BRD3: variants seen among roughly 807,000 people sequenced by gnomAD.
BRD3 encodes bromodomain-containing protein 3.
A neutral mutation model predicts 66.8 loss-of-function variants in BRD3; 17 were observed. That is an observed-to-expected ratio of 0.25 (90% CI 0.17 to 0.38). BRD3 has a LOEUF of 0.38. Ranked by LOEUF, BRD3 falls within the 10% of genes least tolerant of loss-of-function variation. The pLI is 1.00. For missense variants in BRD3, 713 were observed against 956.1 expected (o/e 0.75, Z 3.35); for synonymous variants, 421 against 393.2 (o/e 1.07, Z -0.84).
chr9:134,066,818 T>G (rs1830668955), intron 1 of BRD3, among the ~76,000 whole-genome samples: 1 of 152,220 alleles, frequency 6.6e-6, no homozygotes, highest in Admixed American at 6.5e-5. Flanking sequence ...CAGTATCTAT[T>G]TCTGAGCAGA....
At chr9:134,057,652 CA>C (rs1188624259) in intron 1 of BRD3, 2 of 152,306 alleles carry the variant, frequency 1.3e-5, no homozygotes, top group East Asian at 3.9e-4. Context: ...GGCTTTGGGA[CA>C]CAAAGCACTC....
At chr9:134,042,665 A>T (rs1043375416) in intron 7 of BRD3, among the ~76,000 whole-genome samples, 10 of 147,694 alleles carry the variant, frequency 6.8e-5, no homozygotes, top group African/African-American at 2.5e-4. Flanking sequence ...ACACACACAC[A>T]CACACATATA....
rs960946223 is a variant in BRD3 at position 134,048,374 on chromosome 9, C to T, written c.795G>A (p.Pro265=). 2.3e-5 allele frequency: 37 copies of T among 1,598,424 alleles called. No homozygotes were observed. Among genetic ancestry groups the T allele is most frequent in the Non-Finnish European group, 2.9e-5 (34 of 1,179,820 alleles). The part of the protein sequence containing the change: ...AITASRSESP[P]PLSDPKQAKV... Reference sequence around the variant, plus strand: ...TGGCCTGCTTGGGGTCTGACAACGGCGGGGGCGACTCACTCCGGCTGGCAG... The same window carrying T: ...TGGCCTGCTTGGGGTCTGACAACGGTGGGGGCGACTCACTCCGGCTGGCAG... The change falls in exon 6 of 12, where the codon CCG becomes CCA. Residue 265 remains proline (P), a synonymous_variant. Transcript: ENST00000303407.
rs1830080507 is a variant in BRD3, at chr9:134,042,696, CACACACATATATATACACATATAT to C, written c.1216-769_1216-746del. On this transcript the variant is annotated intron_variant, in intron 7 of 11. Transcript: ENST00000303407. ...ATATATATACACACACACACATATA[CACACACATATATATACACATATAT>C]ACACATATATATACACACATATATA... Among the ~76,000 whole-genome samples, 3 of 149,850 alleles carry C rather than the reference CACACACATATATATACACATATAT, an allele frequency of 2.0e-5. No individual in the cohort carries two copies. The East Asian group carries it at 5.9e-4, about 29-fold the overall frequency.
intron 1 of BRD3, among the ~76,000 whole-genome samples, chr9:134,063,969 G>A (rs975752144): frequency 2.6e-5 from 4 of 152,130 alleles, no homozygotes; most frequent in African/African-American, 7.2e-5. Flanking sequence ...GCGGCAAGGA[G>A]GGGGGCGGGG....
At chr9:134,043,181 G>T (rs1414054407) in intron 7 of BRD3, among the ~76,000 whole-genome samples, 1 of 152,140 alleles carries the variant, frequency 6.6e-6, no homozygotes, top group African/African-American at 2.4e-5. Flanking sequence ...CTGTTGCCCA[G>T]GCTGGTCTTG....
chr9:134,041,795 C>T lies in BRD3; in HGVS notation c.1372G>A (p.Glu458Lys). 6.2e-7 allele frequency: 1 copy of T among 1,612,380 alleles called. No individual in the cohort carries two copies. Among genetic ancestry groups the T allele is most frequent in the Non-Finnish European group, 8.5e-7 (1 of 1,179,860 alleles). ...SDSGSSDSEE[E>K]RATRLAELQE... ...AGCTCCGCCAGCCTGGTGGCCCGCT[C>T]CTCCTCCGAGTCCGAGCTGCCTGAG... Residue 458 changes from glutamate (E) to lysine (K), a missense_variant, in exon 8 of 12, where the codon GAG becomes AAG. Physicochemically the swap from Glu to Lys is moderately conservative, Grantham distance 56 (BLOSUM62 1). Around this residue, in one of 5 missense-constraint regions of BRD3, gnomAD observed 418 missense variants for 609.3 expected, o/e 0.69. Coordinates refer to ENST00000303407, the MANE Select transcript of BRD3 (RefSeq NM_007371.4).
intron 6 of BRD3, among the ~76,000 whole-genome samples, chr9:134,046,846 CTTCT>C (rs1409354662): frequency 2.0e-5 from 3 of 152,216 alleles, no homozygotes; most frequent in African/African-American, 7.2e-5. Flanking sequence ...TTTTCTAGAG[CTTCT>C]TTATTATGGT....
rs998340510 is a variant in BRD3 at position 134,045,438 on chromosome 9, CAG to C, written c.1087-19_1087-18del. 1.5e-5 allele frequency: 25 copies of C among 1,612,978 alleles called. No homozygotes were observed. The Admixed American group carries it at 2.3e-4, about 15-fold the overall frequency. ...CATCTTCCTCTGCAACACACAGTGACAGGGGCCAGTGAGCGTGGCCCGTGGCA... is the reference window on the plus strand; with the variant it reads ...CATCTTCCTCTGCAACACACAGTGACGGGCCAGTGAGCGTGGCCCGTGGCA... On this transcript the variant is annotated intron_variant, in intron 6 of 11. Coordinates refer to ENST00000303407, the MANE Select transcript of BRD3 (RefSeq NM_007371.4). The surrounding 1 kb of genome is among the most constrained non-coding windows in gnomAD (Gnocchi z 4.8).
intron 9 of BRD3, chr9:134,036,556 T>C (rs1301529988): frequency 5.0e-6 from 8 of 1,610,660 alleles, no homozygotes; most frequent in South Asian, 2.2e-5. Context: ...CTACACCCCA[T>C]AGGCGTCTCA....
intron 2 of BRD3, 50 bp downstream of exon 2, chr9:134,053,215 G>T: frequency 6.3e-7 from 1 of 1,595,230 alleles, no homozygotes. Context: ...GAGGGGGACA[G>T]AGGACGGCAG....
rs772756982 is a variant in BRD3, at chr9:134,032,168, G to C, written c.*1422C>G. The C allele has an allele frequency of 2.8e-5, 6 of 216,742 alleles. No homozygotes were observed. The East Asian group carries it at 4.1e-4, about 15-fold the overall frequency. The allele number at this position is 216,742 out of a possible 1,614,324, so 13.4% of individuals were successfully genotyped here. On this transcript the variant is annotated 3_prime_UTR_variant, in exon 12 of 12. Transcript: ENST00000303407. ...ACTCAAAGACCATATGGCAGCCTCT[G>C]GGAAAACAAAACCAAAACATCACCT...
intron 1 of BRD3, among the ~76,000 whole-genome samples, chr9:134,055,160 A>G (rs995628251): frequency 6.6e-6 from 1 of 152,158 alleles, no homozygotes; most frequent in African/African-American, 2.4e-5. Context: ...CACCACTTGC[A>G]AGGATTTCCA....
At position 134,048,222 on chromosome 9, in the gene BRD3, T is replaced by C; in HGVS notation, c.947A>G (p.Asp316Gly). 6.2e-7 allele frequency: 1 copy of C among 1,612,862 alleles called. No individual in the cohort carries two copies. Among genetic ancestry groups the C allele is most frequent in the Non-Finnish European group, 8.5e-7 (1 of 1,179,848 alleles). The change falls in exon 6 of 12, where the codon GAC becomes GGC. Residue 316 changes from aspartate (D) to glycine (G), a missense_variant. Transcript: ENST00000303407. ...GGATAGCATCTCCCTGAGGATGCTG[T>C]CGCAGTAGCGTAGGTGCTCCGACAG... is the stretch of plus-strand genomic sequence containing the variant. ...GKLSEHLRYC[D>G]SILREMLSKK...
At chr9:134,048,716 C>T (rs1830229025) in intron 5 of BRD3, among the ~76,000 whole-genome samples, 1 of 152,174 alleles carries the variant, frequency 6.6e-6, no homozygotes, top group East Asian at 1.9e-4. Context: ...AGATACCTCT[C>T]TCCCTTAGCC....
chr9:134,034,708 G>T lies in BRD3; in HGVS notation c.2058C>A (p.Ala686=). ...SGQLSSSKKP[A]RKEKPGSAPS... is the part of the protein sequence containing the mutation. ...AGCGGCCGCCAGCGGTACCTTTCCG[G>T]GCGGGCTTCTTGCTGCTGCTCAGCT... Residue 686 remains alanine (A), a synonymous_variant, in exon 11 of 12, where the codon GCC becomes GCA. Transcript: ENST00000303407. 6.2e-7 allele frequency: 1 copy of T among 1,604,846 alleles called. No individual in the cohort carries two copies. The highest frequency in any genetic ancestry group is 8.5e-7 in the Non-Finnish European group (1 of 1,179,914).
intron 3 of BRD3, 23 bp downstream of exon 3, chr9:134,052,283 G>A (rs201382638): frequency 1.5e-4 from 247 of 1,610,220 alleles, no homozygotes; most frequent in Non-Finnish European, 1.9e-4. Flanking sequence ...TGCAAGCGGC[G>A]TGCCAGGCCC....
Position 134,034,717 on chromosome 9 carries a change from C to T in BRD3, c.2049G>A (p.Lys683=). 1 of 1,606,354 alleles carries T rather than the reference C, an allele frequency of 6.2e-7. No individual in the cohort carries two copies. The highest frequency in any genetic ancestry group is 8.5e-7 in the Non-Finnish European group (1 of 1,179,930). ...CAGCGGTACCTTTCCGGGCGGGCTT[C>T]TTGCTGCTGCTCAGCTGCCCGCTGA... ...QDVSGQLSSS[K]KPARKEKPGS... is the part of the protein sequence containing the mutation. Residue 683 remains lysine, a synonymous_variant, in exon 11 of 12, where the codon AAG becomes AAA. Transcript: ENST00000303407.
chr9:134,063,242 C>G (rs566223884), intron 1 of BRD3, among the ~76,000 whole-genome samples: 1 of 152,230 alleles, frequency 6.6e-6, no homozygotes, highest in Non-Finnish European at 1.5e-5. Context: ...GGAGGCAGAG[C>G]TAAGAGCAAA....
Sources: allele counts gnomAD v4.1 joint callset (sites outside exome capture counted in the v4.1 genomes callset), GRCh38; gene constraint gnomAD v4.1.1; regional missense constraint gnomAD v4.1.1; non-coding constraint Gnocchi (gnomAD v3.1); transcripts MANE v1.5; gene names NCBI Gene and HGNC (gene_info 2026-07-23, HGNC 2026-07-21).